Variants in AGBL1 observed in about 807,000 individuals in gnomAD.
AGBL1 encodes cytosolic carboxypeptidase 4.
In AGBL1, 130 loss-of-function variants were observed where a neutral mutation model predicts 118.9. The observed-to-expected ratio is 1.09, with a 90% CI of 0.95 to 1.26. The LOEUF is 1.26. AGBL1 is among the 50% of genes most tolerant of loss of function. The pLI is 0.00. For synonymous variants in AGBL1, 555 were observed against 478.9 expected (o/e 1.16, Z -2.08); for missense variants, 1,584 against 1,298.1 (o/e 1.22, Z -3.38).
chr15:86,542,508 A>G (rs955264158), intron 19 of AGBL1, among the ~76,000 whole-genome samples: 1 of 151,862 alleles, frequency 6.6e-6, no homozygotes, highest in Admixed American at 6.6e-5. Flanking sequence ...CTGGGATTAC[A>G]GGCGCATGCC....
intron 21 of AGBL1, among the ~76,000 whole-genome samples, chr15:86,584,958 A>T (rs2084224720): frequency 6.6e-6 from 1 of 151,952 alleles, no homozygotes; most frequent in Admixed American, 6.6e-5. Context: ...TGTAAATGGG[A>T]TTGTGTTCTT....
intron 22 of AGBL1, among the ~76,000 whole-genome samples, chr15:86,788,175 A>G (rs575983789): frequency 5.0e-4 from 76 of 152,332 alleles, no homozygotes; most frequent in Admixed American, 1.2e-3. Context: ...CACTGAGGCC[A>G]AGCCCTTGGA....
chr15:86,504,217 T>C (rs1252311664), intron 18 of AGBL1, among the ~76,000 whole-genome samples: 1 of 151,718 alleles, frequency 6.6e-6, no homozygotes, highest in African/African-American at 2.4e-5. Flanking sequence ...ACATTATGTC[T>C]GATAGTCCTA....
At chr15:86,761,869 T>C (rs2078029171) in intron 22 of AGBL1, among the ~76,000 whole-genome samples, 1 of 152,114 alleles carries the variant, frequency 6.6e-6, no homozygotes, top group African/African-American at 2.4e-5. Flanking sequence ...TTGCTTTTGT[T>C]GCAATTGGTT....
intron 22 of AGBL1, among the ~76,000 whole-genome samples, chr15:86,691,588 G>A (rs1233086818): frequency 6.6e-6 from 1 of 152,110 alleles, no homozygotes; most frequent in African/African-American, 2.4e-5. Context: ...CAGGAACAAG[G>A]ATCAAATTGA....
chr15:86,778,649 C>T (rs2078291590), intron 22 of AGBL1, among the ~76,000 whole-genome samples: 2 of 152,172 alleles, frequency 1.3e-5, no homozygotes, highest in Non-Finnish European at 2.9e-5. Flanking sequence ...ATCTCTCTTG[C>T]TCCCTGAACA....
chr15:86,476,400 T>C (rs538023064), intron 18 of AGBL1, among the ~76,000 whole-genome samples: 164 of 151,370 alleles, frequency 1.1e-3, no homozygotes, highest in Non-Finnish European at 1.5e-3. Context: ...ACCAAGAAAA[T>C]GGAAAACAAA....
At chr15:86,442,928 C>A (rs1297213527) in intron 18 of AGBL1, among the ~76,000 whole-genome samples, 1 of 152,132 alleles carries the variant, frequency 6.6e-6, no homozygotes. Context: ...CTCCTCCCAC[C>A]CCCTGCTCCT....
chr15:86,365,044 C>T (rs2080867118), intron 17 of AGBL1, among the ~76,000 whole-genome samples: 1 of 139,440 alleles, frequency 7.2e-6, no homozygotes, highest in African/African-American at 2.7e-5. Context: ...CATATATATA[C>T]ACACATATAT....
chr15:86,591,273 C>A (rs725254), intron 21 of AGBL1, among the ~76,000 whole-genome samples: 100,351 of 151,968 alleles, frequency 0.66, 33,352 homozygotes, highest in East Asian at 0.81. Context: ...TCTGTGATTA[C>A]ATGAGTAAGG....
chr15:87,000,071 G>A (rs1354607775), intron 24 of AGBL1, among the ~76,000 whole-genome samples: 1 of 89,666 alleles, frequency 1.1e-5, no homozygotes, highest in Non-Finnish European at 2.7e-5. Flanking sequence ...TTTTGATGGG[G>A]TTGTTTGGTT....
intron 3 of AGBL1, among the ~76,000 whole-genome samples, chr15:86,146,617 T>C (rs1242884972): frequency 6.6e-6 from 1 of 152,190 alleles, no homozygotes; most frequent in East Asian, 1.9e-4. Flanking sequence ...AGATGAGAGA[T>C]ACACCAGGCC....
chr15:87,029,264 C>T (rs1024092312), downstream of AGBL1, among the ~76,000 whole-genome samples: 1 of 151,768 alleles, frequency 6.6e-6, no homozygotes, highest in Non-Finnish European at 1.5e-5. Context: ...GGTTTTGTAG[C>T]ATCAGGGGCT....
intron 5 of AGBL1, among the ~76,000 whole-genome samples, chr15:86,196,949 T>C (rs987729102): frequency 7.0e-6 from 1 of 143,352 alleles, no homozygotes; most frequent in African/African-American, 2.7e-5. Context: ...GAGGACATGC[T>C]GAGAAGGCAG....
chr15:86,219,491 G>A (rs1362540979), intron 5 of AGBL1, among the ~76,000 whole-genome samples: 4 of 152,144 alleles, frequency 2.6e-5, no homozygotes, highest in Non-Finnish European at 5.9e-5. Context: ...GAGATTCAGA[G>A]AGATCAAGTA....
At chr15:86,085,694 C>A (rs1467945515) in intron 1 of AGBL1, among the ~76,000 whole-genome samples, 1 of 152,220 alleles carries the variant, frequency 6.6e-6, no homozygotes, top group East Asian at 1.9e-4. Flanking sequence ...TCCTGAGCCT[C>A]TCTCTAACCC....
intron 18 of AGBL1, among the ~76,000 whole-genome samples, chr15:86,498,736 C>G (rs2082883384): frequency 1.3e-5 from 2 of 151,784 alleles, no homozygotes; most frequent in Non-Finnish European, 2.9e-5. Flanking sequence ...TAATCATCAT[C>G]AATTTAGGAA....
At chr15:86,155,560 T>G (rs1359755233) in intron 4 of AGBL1, among the ~76,000 whole-genome samples, 1 of 152,242 alleles carries the variant, frequency 6.6e-6, no homozygotes, top group African/African-American at 2.4e-5. Flanking sequence ...ATGGAAACTT[T>G]TTATTAATAC....
intron 22 of AGBL1, among the ~76,000 whole-genome samples, chr15:86,716,850 A>C (rs965821133): frequency 6.6e-6 from 1 of 152,226 alleles, no homozygotes; most frequent in African/African-American, 2.4e-5. Flanking sequence ...TTAAAAGCTC[A>C]GGTTCTAGGG....
Sources: gnomAD v4.1 joint callset for allele counts (sites outside exome capture counted in the v4.1 genomes callset) on GRCh38, gnomAD v4.1.1 for gene constraint, MANE v1.5 for transcripts, NCBI Gene and HGNC (gene_info 2026-07-23, HGNC 2026-07-21) for gene names.